The following PSD4 variants were observed in gnomAD, a reference collection of about 807,000 sequenced individuals.
PSD4 encodes the protein pleckstrin and Sec7 domain containing 4, also known as PH and SEC7 domain-containing protein 4.
In PSD4, 59 loss-of-function variants were observed where a neutral mutation model predicts 112.5. That is an observed-to-expected ratio of 0.52 (90% CI 0.43 to 0.65). PSD4 has a LOEUF of 0.65. Among genes scored for constraint, PSD4 ranks in the 30% least tolerant of loss-of-function variants. The pLI is 0.00. For missense variants in PSD4, 1,267 were observed against 1,352.6 expected (o/e 0.94, Z 0.99); for synonymous variants, 533 against 540.0 (o/e 0.99, Z 0.18).
At chr2:113,200,016 G>A (rs926833703) in intron 16 of PSD4, among the ~76,000 whole-genome samples, 21 of 151,986 alleles carry the variant, frequency 1.4e-4, no homozygotes, top group African/African-American at 4.6e-4. Context: ...AGTAGAGACA[G>A]GGGTTCACCA....
intron 5 of PSD4, among the ~76,000 whole-genome samples, chr2:113,186,981 T>C (rs1365054936): frequency 6.6e-6 from 1 of 152,232 alleles, no homozygotes; most frequent in East Asian, 1.9e-4. Context: ...CAGTGGTTCA[T>C]GTCATGGACC....
chr2:113,177,262 T>C (rs1463227501), intron 1 of PSD4, among the ~76,000 whole-genome samples: 1 of 152,240 alleles, frequency 6.6e-6, no homozygotes, highest in Non-Finnish European at 1.5e-5. Flanking sequence ...ATAATGATGC[T>C]AATTCTCTTC....
Position 113,197,569 on chromosome 2 carries a change from T to C in PSD4, c.2392T>C (p.Trp798Arg). 1 of 1,614,170 alleles carries C rather than the reference T, an allele frequency of 6.2e-7. No homozygotes were observed. The highest frequency in any genetic ancestry group is 8.5e-7 in the Non-Finnish European group (1 of 1,179,992). Reference sequence around the variant, plus strand: ...GTGTTCTGTTCCTGGAACAGCGCCATGGGGCAAGCGTGGCTGGAAGATGTT... The same window carrying C: ...GTGTTCTGTTCCTGGAACAGCGCCACGGGGCAAGCGTGGCTGGAAGATGTT... ...HQDADGKKTP[W>R]GKRGWKMFHT... is the part of the protein sequence containing the mutation. Residue 798 changes from tryptophan (W) to arginine (R), a missense_variant, in exon 13 of 17, where the codon TGG (tryptophan) becomes CGG (arginine). This residue lies in a region of PSD4 where 544 missense variants were observed against 648.6 expected (regional missense o/e 0.84). Transcript: ENST00000245796.
rs1210294707 is a variant in PSD4 at position 113,198,902 on chromosome 2, G to T, written c.2769+18G>T. 5 of 1,566,148 alleles carry T rather than the reference G, an allele frequency of 3.2e-6. No individual in the cohort carries two copies. The Admixed American group carries it at 9.2e-5, about 29-fold the overall frequency. ...GCTCCCTGGTACGGCCTCCGGGAAGGGGTGGGGTCCGGCGGAACTGGGAAT... is the reference window on the plus strand; with the variant it reads ...GCTCCCTGGTACGGCCTCCGGGAAGTGGTGGGGTCCGGCGGAACTGGGAAT... On this transcript the variant is annotated intron_variant, in intron 15 of 16. Coordinates refer to ENST00000245796, the MANE Select transcript of PSD4 (RefSeq NM_012455.3).
rs1573359425 is a variant in PSD4 at position 113,185,538 on chromosome 2, A to G, written c.1249+98A>G. 1.4e-5 allele frequency: 22 copies of G among 1,601,014 alleles called. No homozygotes were observed. The East Asian group carries it at 4.8e-4, about 35-fold the overall frequency. On this transcript the variant is annotated intron_variant, in intron 4 of 16. Transcript: ENST00000245796. ...ATTCTTGGATCCATGGTTGCCATTA[A>G]TGGGTCCCATTATATTGTGTTTAAG...
intron 3 of PSD4, 22 bp from the exon 4 acceptor site, chr2:113,185,343 A>G (rs1688266953): frequency 6.2e-7 from 1 of 1,613,830 alleles, no homozygotes. Flanking sequence ...GCTCATGGGA[A>G]TGCCTTTGCC....
In PSD4 at chr2:113,204,280, A is replaced by G. The variant is rs1326021096; in HGVS notation, c.*2865A>G. ...CCCACCATCTAGGGAAGCCTCTCCTAGGGAAAAGACTGGGGCTCTGACATC... is the reference window on the plus strand; with the variant it reads ...CCCACCATCTAGGGAAGCCTCTCCTGGGGAAAAGACTGGGGCTCTGACATC... On this transcript the variant is annotated 3_prime_UTR_variant, in exon 17 of 17. Coordinates refer to ENST00000245796, the MANE Select transcript of PSD4 (RefSeq NM_012455.3). 6.6e-6 allele frequency: 1 copy of G among 152,300 alleles called. No individual in the cohort carries two copies. The highest frequency in any genetic ancestry group is 2.4e-5 in the African/African-American group (1 of 41,466). The allele number at this position is 152,300 out of a possible 1,614,324, so 9.4% of individuals were successfully genotyped here. A position where few individuals can be genotyped will look rare whatever the true frequency, so the allele number is the denominator to read the frequency against.
At chr2:113,193,831 G>A (rs201260320) in intron 9 of PSD4, 28 bp from the exon 10 acceptor site, 156 of 1,607,686 alleles carry the variant, frequency 9.7e-5, no homozygotes, top group Middle Eastern at 3.3e-4. Flanking sequence ...GTGTGTGCTC[G>A]AGTCATCCCA....
intron 1 of PSD4, among the ~76,000 whole-genome samples, chr2:113,180,730 G>A (rs1688108887): frequency 6.6e-6 from 1 of 152,184 alleles, no homozygotes; most frequent in Non-Finnish European, 1.5e-5. Flanking sequence ...GGTGGGGACA[G>A]GCATGGTTAA....
intron 1 of PSD4, among the ~76,000 whole-genome samples, chr2:113,177,575 A>T (rs1688012720): frequency 6.6e-6 from 1 of 152,162 alleles, no homozygotes; most frequent in Admixed American, 6.6e-5. Flanking sequence ...GGGGGCCTGA[A>T]CCTCTTACGT....
At position 113,182,987 on chromosome 2, in the gene PSD4, G is replaced by C; in HGVS notation, c.531G>C (p.Thr177=). The change falls in exon 2 of 17, where the codon ACG becomes ACC. Residue 177 remains threonine, a synonymous_variant. Coordinates refer to ENST00000245796, the MANE Select transcript of PSD4 (RefSeq NM_012455.3). The part of the protein sequence containing the change: ...VLDLEEELEK[T]EGLKAGLKCC... ...ACCTGGAGGAGGAGCTGGAGAAGACGGAAGGGCTCAAGGCTGGGCTGAAAT... is the reference window on the plus strand; with the variant it reads ...ACCTGGAGGAGGAGCTGGAGAAGACCGAAGGGCTCAAGGCTGGGCTGAAAT... 1 of 1,614,188 alleles carries C rather than the reference G, an allele frequency of 6.2e-7. No individual in the cohort carries two copies. The highest frequency in any genetic ancestry group is 1.1e-5 in the South Asian group (1 of 91,088).
chr2:113,188,782 G>A (rs1013089822), intron 5 of PSD4, among the ~76,000 whole-genome samples: 12 of 152,014 alleles, frequency 7.9e-5, no homozygotes, highest in Non-Finnish European at 1.6e-4. Flanking sequence ...GGGTTTCCCC[G>A]TGGTCTTGAT....
chr2:113,197,410 T>C lies in PSD4; in HGVS notation c.2387-154T>C. ...ATGTTTGTTTACGATTGTATGTGTT[T>C]TCTTGTGTTGGCATGTTCTGCATTT... On this transcript the variant is annotated intron_variant, in intron 12 of 16. Coordinates refer to ENST00000245796, the MANE Select transcript of PSD4 (RefSeq NM_012455.3). 9.0e-6 allele frequency: 7 copies of C among 778,084 alleles called. No individual in the cohort carries two copies. In the South Asian group the frequency reaches 9.1e-5, roughly 10 times the overall value. 48.2% of individuals were successfully genotyped at this position (778,084 alleles called of 1,614,324 possible). A position where few individuals can be genotyped will look rare whatever the true frequency, so the allele number is the denominator to read the frequency against.
At chr2:113,184,477 G>A (rs563577025) in intron 2 of PSD4, among the ~76,000 whole-genome samples, 14 of 150,854 alleles carry the variant, frequency 9.3e-5, no homozygotes, top group Admixed American at 5.3e-4. Flanking sequence ...AGGTTCAAGC[G>A]ATTCACCTGC....
chr2:113,198,536 G>A (rs1688676119), intron 14 of PSD4: 1 of 514,564 alleles, frequency 1.9e-6, no homozygotes, highest in Non-Finnish European at 3.2e-6. Flanking sequence ...CGTTGCCACC[G>A]CACCGGGCCT....
At chr2:113,195,809 C>T (rs752440248) in intron 11 of PSD4, 39 bp downstream of exon 11, 3 of 1,613,140 alleles carry the variant, frequency 1.9e-6, no homozygotes, top group South Asian at 1.1e-5. Context: ...TCTCACCCCT[C>T]TCCCCTGTCT....
chr2:113,175,223 T>C (rs12711762), intron 1 of PSD4: 53,077 of 152,506 alleles, frequency 0.35, 10,972 homozygotes, highest in East Asian at 0.63. Flanking sequence ...CCCTTTGTCA[T>C]TCTGTCCCTA....
chr2:113,193,863 T>A lies in PSD4; in HGVS notation c.2096T>A (p.Ile699Asn), dbSNP rs200550699. The change falls in exon 10 of 17, where the codon ATT becomes AAT. Residue 699 changes from isoleucine (I) to asparagine (N), a missense_variant. Transcript: ENST00000245796. ...LLNTDLHGQN[I>N]GKSMSCQEFI... The stretch of plus-strand genomic sequence containing the variant: ...CCCACTTCTCCGTGGCTACAGAACA[T>A]TGGGAAGAGCATGAGCTGCCAGGAA... 1 of 1,613,944 alleles carries A rather than the reference T, an allele frequency of 6.2e-7. No individual in the cohort carries two copies. The highest frequency in any genetic ancestry group is 8.5e-7 in the Non-Finnish European group (1 of 1,179,920).
At position 113,199,079 on chromosome 2, in the gene PSD4, G is replaced by A. The variant is rs989863904; in HGVS notation, c.2770-4G>A. ...CAGCGCCCCTCACCGCCCGCTGCTC[G>A]CAGGAGGAGCAGCATCGATCCCACG... is the stretch of plus-strand genomic sequence containing the variant. On this transcript the variant is annotated splice_region_variant and splice_polypyrimidine_tract_variant and intron_variant, in intron 15 of 16. Transcript: ENST00000245796. 1.3e-6 allele frequency: 2 copies of A among 1,525,992 alleles called. No homozygotes were observed. The highest frequency in any genetic ancestry group is 1.4e-5 in the African/African-American group (1 of 70,330). The allele number at this position is 1,525,992 out of a possible 1,614,324, so 94.5% of individuals were successfully genotyped here. A position where few individuals can be genotyped will look rare whatever the true frequency, so the allele number is the denominator to read the frequency against.
Sources: allele counts gnomAD v4.1 joint callset (sites outside exome capture counted in the v4.1 genomes callset), GRCh38; gene constraint gnomAD v4.1.1; regional missense constraint gnomAD v4.1.1; transcripts MANE v1.5; gene names NCBI Gene and HGNC (gene_info 2026-07-23, HGNC 2026-07-21).